The following IMMP2L variants were observed in gnomAD, a reference collection of about 807,000 sequenced individuals.
The protein encoded by IMMP2L is inner mitochondrial membrane peptidase subunit 2.
IMMP2L carries 18 observed loss-of-function variants against 19.3 expected under a neutral mutation model. The ratio of observed to expected loss-of-function variants is 0.93; its 90% CI spans 0.64 to 1.38. IMMP2L has a LOEUF of 1.38. Ranked by LOEUF, IMMP2L falls within the 40% of genes most tolerant of loss-of-function variation. IMMP2L has a pLI of 0.00. For missense variants in IMMP2L, 233 were observed against 218.2 expected (o/e 1.07, Z -0.43); for synonymous variants, 76 against 73.0 (o/e 1.04, Z -0.21).
At chr7:111,243,191 T>C (rs912445310) in intron 3 of IMMP2L, among the ~76,000 whole-genome samples, 3 of 152,092 alleles carry the variant, frequency 2.0e-5, no homozygotes, top group Non-Finnish European at 2.9e-5. Context: ...AGCCATTCAA[T>C]CATTCCCAAG....
chr7:111,370,328 A>C (rs1337425752), intron 3 of IMMP2L, among the ~76,000 whole-genome samples: 2 of 151,936 alleles, frequency 1.3e-5, no homozygotes, highest in East Asian at 3.9e-4. Context: ...CCTTATAGTA[A>C]ATTAGAGAAA....
At chr7:111,492,606 C>T (rs749592174) in intron 2 of IMMP2L, among the ~76,000 whole-genome samples, 1 of 152,134 alleles carries the variant, frequency 6.6e-6, no homozygotes, top group African/African-American at 2.4e-5. Context: ...GAAAAATCCC[C>T]ACTGACCCAA....
intron 3 of IMMP2L, among the ~76,000 whole-genome samples, chr7:111,280,778 G>A (rs1481012797): frequency 2.6e-5 from 4 of 152,014 alleles, no homozygotes; most frequent in Non-Finnish European, 5.9e-5. Context: ...ACAAAGAAAG[G>A]AGTGAAATTG....
chr7:111,364,104 T>C (rs555586708), intron 3 of IMMP2L, among the ~76,000 whole-genome samples: 1 of 152,152 alleles, frequency 6.6e-6, no homozygotes, highest in South Asian at 2.1e-4. Flanking sequence ...AAATAATATA[T>C]TTATATCTCT....
chr7:111,229,951 T>G (rs980040062), intron 3 of IMMP2L, among the ~76,000 whole-genome samples: 1 of 152,002 alleles, frequency 6.6e-6, no homozygotes, highest in Non-Finnish European at 1.5e-5. Context: ...AGCTCTTAAA[T>G]GTAATTCCAA....
intron 3 of IMMP2L, among the ~76,000 whole-genome samples, chr7:111,149,919 A>G (rs1164414716): frequency 6.6e-6 from 1 of 152,182 alleles, no homozygotes; most frequent in Non-Finnish European, 1.5e-5. Flanking sequence ...CCAAAAAACA[A>G]CTGCTGGCTA....
At chr7:111,428,599 T>G (rs2131663855) in intron 3 of IMMP2L, among the ~76,000 whole-genome samples, 1 of 147,444 alleles carries the variant, frequency 6.8e-6, no homozygotes, top group South Asian at 2.1e-4. Flanking sequence ...TGTCTATCAA[T>G]TTTACTTTCA....
intron 3 of IMMP2L, among the ~76,000 whole-genome samples, chr7:111,045,722 G>C (rs1385332449): frequency 6.6e-6 from 1 of 152,176 alleles, no homozygotes; most frequent in Non-Finnish European, 1.5e-5. Flanking sequence ...GGCTGGAAAA[G>C]GCAGGAAAAC....
chr7:111,536,867 C>A (rs113436406), intron 1 of IMMP2L, among the ~76,000 whole-genome samples: 1 of 151,910 alleles, frequency 6.6e-6, no homozygotes, highest in African/African-American at 2.4e-5. Context: ...TTAAAATGTA[C>A]AATGTTTTAT....
chr7:111,397,474 A>G (rs892709991), intron 3 of IMMP2L, among the ~76,000 whole-genome samples: 1 of 152,120 alleles, frequency 6.6e-6, no homozygotes, highest in Non-Finnish European at 1.5e-5. Context: ...CTAAAAGTTG[A>G]AAGTACCAAG....
At chr7:110,947,989 A>C (rs1401172642) in intron 4 of IMMP2L, among the ~76,000 whole-genome samples, 1 of 151,730 alleles carries the variant, frequency 6.6e-6, no homozygotes, top group Non-Finnish European at 1.5e-5. Flanking sequence ...TACACAATTT[A>C]CTCTTCTGAA....
chr7:111,146,433 A>C (rs1803482819), intron 3 of IMMP2L, among the ~76,000 whole-genome samples: 1 of 152,138 alleles, frequency 6.6e-6, no homozygotes, highest in Admixed American at 6.6e-5. Flanking sequence ...AAAAATAAGC[A>C]TACTTATAGG....
At chr7:111,098,077 T>C (rs183602455) in intron 3 of IMMP2L, among the ~76,000 whole-genome samples, 1 of 151,796 alleles carries the variant, frequency 6.6e-6, no homozygotes, top group Non-Finnish European at 1.5e-5. Flanking sequence ...AAGATAAACA[T>C]ACTCTAAGAA....
chr7:111,242,804 G>C (rs1380081218), intron 3 of IMMP2L, among the ~76,000 whole-genome samples: 1 of 151,852 alleles, frequency 6.6e-6, no homozygotes, highest in African/African-American at 2.4e-5. Flanking sequence ...ACAAACAACA[G>C]AGAATTTGTC....
chr7:110,902,574 C>A (rs996358276), intron 4 of IMMP2L, among the ~76,000 whole-genome samples: 1 of 150,124 alleles, frequency 6.7e-6, no homozygotes, highest in Non-Finnish European at 1.5e-5. Context: ...TGGAAACCAC[C>A]AAACGTAGGT....
intron 3 of IMMP2L, among the ~76,000 whole-genome samples, chr7:111,370,933 C>T (rs1830208384): frequency 6.6e-6 from 1 of 151,810 alleles, no homozygotes; most frequent in South Asian, 2.1e-4. Context: ...GTTTTTCAGC[C>T]TCATTTTAGG....
chr7:111,187,873 A>G (rs895794551), intron 3 of IMMP2L, among the ~76,000 whole-genome samples: 1 of 152,160 alleles, frequency 6.6e-6, no homozygotes, highest in African/African-American at 2.4e-5. Flanking sequence ...CTGGAATCTG[A>G]GGCCTTAAGT....
At chr7:110,934,590 A>T (rs953771724) in intron 4 of IMMP2L, among the ~76,000 whole-genome samples, 1 of 152,110 alleles carries the variant, frequency 6.6e-6, no homozygotes, top group Non-Finnish European at 1.5e-5. Flanking sequence ...AATGATGAAG[A>T]CTTTAACACT....
chr7:110,687,803 C>T (rs1793221259), intron 5 of IMMP2L, among the ~76,000 whole-genome samples: 2 of 151,994 alleles, frequency 1.3e-5, no homozygotes, highest in Admixed American at 6.6e-5. Context: ...CCTACTCACA[C>T]ACTTTTCTGT....
Sources: gnomAD v4.1 joint callset for allele counts (sites outside exome capture counted in the v4.1 genomes callset) on GRCh38, gnomAD v4.1.1 for gene constraint, MANE v1.5 for transcripts, NCBI Gene and HGNC (gene_info 2026-07-23, HGNC 2026-07-21) for gene names.